The following ANKRD36 variants were observed in gnomAD, a reference collection of about 807,000 sequenced individuals.
The protein encoded by ANKRD36 is ankyrin repeat domain 36, also known as ankyrin repeat domain-containing protein 36A.
ANKRD36 carries 179 observed loss-of-function variants against 278.1 expected under a neutral mutation model. That is an observed-to-expected ratio of 0.64 (90% CI 0.57 to 0.73). The LOEUF is 0.73. Ranked by LOEUF, ANKRD36 falls within the 30% of genes least tolerant of loss-of-function variation. ANKRD36 has a pLI of 0.00. For missense variants in ANKRD36, 1,159 were observed against 1,956.7 expected (o/e 0.59, Z 7.69); for synonymous variants, 320 against 641.1 (o/e 0.50, Z 7.57).
chr2:97,128,226 G>C (rs1366381081), intron 6 of ANKRD36, among the ~76,000 whole-genome samples: 3 of 151,250 alleles, frequency 2.0e-5, no homozygotes, highest in Middle Eastern at 6.3e-3. Flanking sequence ...CAAAGTCATC[G>C]ATCTCAATGA....
intron 8 of ANKRD36, 48 bp downstream of exon 8, chr2:97,142,883 G>C: frequency 6.6e-7 from 1 of 1,513,454 alleles, no homozygotes; most frequent in Non-Finnish European, 8.8e-7. Flanking sequence ...GGATAGAAGA[G>C]AACTTCTGTT....
At position 97,113,660 on chromosome 2, in the gene ANKRD36, T is replaced by C. The variant is rs3866778; in HGVS notation, c.-80T>C. On this transcript the variant is annotated 5_prime_UTR_variant, in exon 1 of 76. Transcript: ENST00000420699. ...GAGGTCCGTGGACAGACTGCTTTGC[T>C]CGTTGTTGCTCTTCGGAGGCGGCGA... 116 of 1,580,154 alleles carry C rather than the reference T, an allele frequency of 7.3e-5. 2 individuals carry two copies. The highest frequency in any genetic ancestry group is 5.0e-4 in the Admixed American group (29 of 58,102).
At chr2:97,208,570 T>C (rs2063497824) in intron 54 of ANKRD36, among the ~76,000 whole-genome samples, 1 of 146,218 alleles carries the variant, frequency 6.8e-6, no homozygotes, top group South Asian at 2.1e-4. Flanking sequence ...AATATTTTCA[T>C]AAAAAATATT....
At chr2:97,193,950 A>C (rs192442067) in intron 38 of ANKRD36, among the ~76,000 whole-genome samples, 2 of 151,830 alleles carry the variant, frequency 1.3e-5, no homozygotes, top group East Asian at 3.9e-4. Context: ...TATTGCAGTG[A>C]TTTCTGAATG....
chr2:97,263,030 T>C (rs1453744409), intron 75 of ANKRD36, among the ~76,000 whole-genome samples: 3 of 140,078 alleles, frequency 2.1e-5, no homozygotes, highest in Non-Finnish European at 4.5e-5. Flanking sequence ...TCTGTGTTGC[T>C]AACACAGAAA....
intron 64 of ANKRD36, among the ~76,000 whole-genome samples, chr2:97,217,960 C>G (rs1483709017): frequency 2.0e-4 from 31 of 151,976 alleles, no homozygotes; most frequent in African/African-American, 7.2e-4. Context: ...CATACCGGAT[C>G]ATCTGATTTC....
At chr2:97,207,725 A>C in intron 52 of ANKRD36, 86 bp from the exon 53 acceptor site, 1 of 1,533,390 alleles carries the variant, frequency 6.5e-7, no homozygotes, top group Non-Finnish European at 8.8e-7. Context: ...GCAGGAGGAC[A>C]GAGGTTGATG....
At chr2:97,144,250 T>C (rs1231878569) in intron 8 of ANKRD36, among the ~76,000 whole-genome samples, 2 of 152,224 alleles carry the variant, frequency 1.3e-5, no homozygotes, top group Non-Finnish European at 2.9e-5. Context: ...CATATCCACA[T>C]TGATATAGAC....
Position 97,152,128 on chromosome 2 carries a change from G to A in ANKRD36, c.1162+189G>A, listed in dbSNP as rs775438969. Among the ~76,000 whole-genome samples the A allele has an allele frequency of 1.7e-4, 23 of 132,100 alleles. 1 individual carries two copies. Among genetic ancestry groups the A allele is most frequent in the Non-Finnish European group, 3.8e-4 (21 of 54,706 alleles). The allele number at this position is 132,100 out of a possible 152,430, so 86.7% of individuals were successfully genotyped here. ...CTGCCTTAGCCTCCCGAGTAGCTGG[G>A]ATTACAGGCGTGCACCACCACACCT... On this transcript the variant is annotated intron_variant, in intron 13 of 75. Transcript: ENST00000420699.
chr2:97,208,665 G>A (rs1214817626), intron 54 of ANKRD36, among the ~76,000 whole-genome samples: 8 of 146,378 alleles, frequency 5.5e-5, no homozygotes. Context: ...ACTCCTCTTG[G>A]TTACTAGGAG....
intron 67 of ANKRD36, among the ~76,000 whole-genome samples, chr2:97,226,082 CAT>C (rs2069473985): frequency 6.6e-6 from 1 of 151,780 alleles, no homozygotes; most frequent in African/African-American, 2.4e-5. Context: ...GCCGCAAAAA[CAT>C]ATGTGTGCAT....
intron 67 of ANKRD36, among the ~76,000 whole-genome samples, chr2:97,226,969 T>C (rs1316979563): frequency 6.6e-6 from 1 of 152,084 alleles, no homozygotes; most frequent in Non-Finnish European, 1.5e-5. Flanking sequence ...GGCTCTGTTC[T>C]GTTCCATTGG....
intron 6 of ANKRD36, among the ~76,000 whole-genome samples, chr2:97,139,736 TTCC>T: frequency 6.6e-6 from 1 of 152,218 alleles, no homozygotes; most frequent in South Asian, 2.1e-4. Flanking sequence ...TTGCAACTGT[TTCC>T]CCCTTAAAGC....
At position 97,206,059 on chromosome 2, in the gene ANKRD36, T is replaced by G; in HGVS notation, c.3091-4T>G. 1 of 1,550,320 alleles carries G rather than the reference T, an allele frequency of 6.5e-7. No homozygotes were observed. Among genetic ancestry groups the G allele is most frequent in the East Asian group, 2.4e-5 (1 of 41,488 alleles). ...TTTATTATTTTGTTTCAAATTCCAT[T>G]CAGGCTACAAGTGATGAGGAAGATT... On this transcript the variant is annotated splice_polypyrimidine_tract_variant and splice_region_variant and intron_variant, in intron 51 of 75. Transcript: ENST00000420699.
rs2153393770 is a variant in ANKRD36, at chr2:97,113,783, G to T, written c.44G>T (p.Arg15Leu). ...KRERWPTLME[R>L]LCSDGFAFPQ... is the part of the protein sequence containing the mutation. ...GAGAGGTGGCCCACCCTCATGGAGC[G>T]CTTGTGCTCGGATGGCTTCGCATTT... Residue 15 changes from arginine (R) to leucine (L), a missense_variant, in exon 1 of 76, where the codon CGC (arginine) becomes CTC (leucine). Coordinates refer to ENST00000420699, the MANE Select transcript of ANKRD36 (RefSeq NM_001354587.1). 1.2e-6 allele frequency: 2 copies of T among 1,612,964 alleles called. No individual in the cohort carries two copies. The highest frequency in any genetic ancestry group is 2.3e-5 in the East Asian group (1 of 44,164).
At chr2:97,216,137 G>T (rs1397416883) in intron 62 of ANKRD36, among the ~76,000 whole-genome samples, 2 of 151,944 alleles carry the variant, frequency 1.3e-5, no homozygotes, top group Non-Finnish European at 2.9e-5. Context: ...TTGGGATAAA[G>T]CACACTGACT....
At chr2:97,224,145 T>TA (rs1324190916) in intron 66 of ANKRD36, among the ~76,000 whole-genome samples, 1 of 151,570 alleles carries the variant, frequency 6.6e-6, no homozygotes, top group Non-Finnish European at 1.5e-5. Context: ...GTTCTAAAGG[T>TA]ACTATTGTGA....
intron 22 of ANKRD36, among the ~76,000 whole-genome samples, chr2:97,173,674 A>C (rs559486645): frequency 1.3e-5 from 2 of 151,816 alleles, no homozygotes; most frequent in African/African-American, 2.4e-5. Context: ...GTGTATGTCA[A>C]ATTGGGCAGG....
chr2:97,192,674 A>T (rs1212329818), intron 36 of ANKRD36, among the ~76,000 whole-genome samples, 184 bp from the exon 37 acceptor site: 1 of 151,696 alleles, frequency 6.6e-6, no homozygotes, highest in Non-Finnish European at 1.5e-5. Context: ...TATTTCATGG[A>T]GCCTGTATTC....
Sources: allele counts gnomAD v4.1 joint callset (sites outside exome capture counted in the v4.1 genomes callset), GRCh38; gene constraint gnomAD v4.1.1; transcripts MANE v1.5; gene names NCBI Gene and HGNC (gene_info 2026-07-23, HGNC 2026-07-21).